Variants in CTNNA2 observed in about 807,000 individuals in gnomAD.
CTNNA2 encodes the protein catenin alpha-2.
Under a neutral mutation model 101.0 loss-of-function variants are expected in CTNNA2, and 42 were observed. The ratio of observed to expected loss-of-function variants is 0.42; its 90% CI spans 0.32 to 0.54. CTNNA2 has a LOEUF of 0.54. Ranked by LOEUF, CTNNA2 falls within the 20% of genes least tolerant of loss-of-function variation. The pLI, the probability that CTNNA2 is intolerant of heterozygous loss-of-function variation, is 0.14. For missense variants in CTNNA2, 871 were observed against 1,223.1 expected (o/e 0.71, Z 4.29); for synonymous variants, 450 against 456.4 (o/e 0.99, Z 0.18).
chr2:79,376,291 T>C (rs759283238), intron 4 of CTNNA2, among the ~76,000 whole-genome samples: 1 of 152,090 alleles, frequency 6.6e-6, no homozygotes, highest in Non-Finnish European at 1.5e-5. Context: ...ACAGCAACGG[T>C]GGGCTGTCCC....
intron 6 of CTNNA2, among the ~76,000 whole-genome samples, chr2:79,882,258 C>A (rs1297212358): frequency 6.6e-6 from 1 of 152,054 alleles, no homozygotes; most frequent in African/African-American, 2.4e-5. Context: ...TCATTTTGAC[C>A]TTGGAGAATC....
chr2:79,760,123 C>T (rs964861013), intron 3 of CTNNA2, among the ~76,000 whole-genome samples: 4 of 152,150 alleles, frequency 2.6e-5, no homozygotes, highest in African/African-American at 9.7e-5. Context: ...GCCTCAGTTC[C>T]ATCACCTGTA....
chr2:79,319,639 T>C (rs1430506701), intron 3 of CTNNA2: 1 of 152,170 alleles, frequency 6.6e-6, no homozygotes, highest in African/African-American at 2.4e-5. Context: ...AATTAGTTTT[T>C]TATGTTTCAA....
intron 2 of CTNNA2, among the ~76,000 whole-genome samples, chr2:79,726,430 G>A (rs531871504): frequency 1.2e-3 from 179 of 152,218 alleles, no homozygotes; most frequent in African/African-American, 4.1e-3. Flanking sequence ...CCTGAGCTCC[G>A]CCTCCTGTCA....
At chr2:80,320,349 A>G (rs1334246215) in intron 7 of CTNNA2, among the ~76,000 whole-genome samples, 2 of 152,218 alleles carry the variant, frequency 1.3e-5, no homozygotes, top group Admixed American at 6.5e-5. Flanking sequence ...ACATTTTCCC[A>G]AAGTGGGGAT....
intron 7 of CTNNA2, among the ~76,000 whole-genome samples, chr2:80,134,767 G>C (rs1702601374): frequency 6.6e-6 from 1 of 152,096 alleles, no homozygotes; most frequent in African/African-American, 2.4e-5. Flanking sequence ...TTGTTCCTTA[G>C]ATTTCTTCCC....
intron 7 of CTNNA2, among the ~76,000 whole-genome samples, chr2:80,113,197 G>C (rs77171029): frequency 0.041 from 6,263 of 152,234 alleles, 189 homozygotes; most frequent in Non-Finnish European, 0.064. Context: ...GGAGATGTAG[G>C]CTTTTGGGTT....
chr2:79,779,334 T>G (rs1674248568), intron 3 of CTNNA2, among the ~76,000 whole-genome samples: 1 of 152,120 alleles, frequency 6.6e-6, no homozygotes. Flanking sequence ...CCCCCTTCTC[T>G]GTTTCTGCCA....
At chr2:80,402,502 C>T (rs753405657) in intron 8 of CTNNA2, among the ~76,000 whole-genome samples, 39 of 151,942 alleles carry the variant, frequency 2.6e-4, no homozygotes, top group Non-Finnish European at 5.3e-4. Context: ...TCAAAAATTG[C>T]CTCATTAGAA....
chr2:80,372,005 C>CA (rs774700776), intron 7 of CTNNA2, among the ~76,000 whole-genome samples: 23 of 152,104 alleles, frequency 1.5e-4, no homozygotes, highest in Non-Finnish European at 3.1e-4. Flanking sequence ...ATAAGGTGGT[C>CA]ATAAAACTTG....
intron 7 of CTNNA2, among the ~76,000 whole-genome samples, chr2:80,163,778 A>G (rs2148949899): frequency 6.6e-6 from 1 of 152,176 alleles, no homozygotes; most frequent in South Asian, 2.1e-4. Context: ...TTTTTGCTTC[A>G]CATATTTTAT....
intron 15 of CTNNA2, among the ~76,000 whole-genome samples, chr2:80,593,029 G>C (rs1223291779): frequency 6.6e-6 from 1 of 152,176 alleles, no homozygotes; most frequent in East Asian, 1.9e-4. Flanking sequence ...CCTAAAGAGA[G>C]AAGGTTTCAA....
intron 3 of CTNNA2, chr2:79,340,269 A>G (rs1323899105): frequency 1.3e-5 from 2 of 152,196 alleles, no homozygotes; most frequent in Non-Finnish European, 2.9e-5. Context: ...CTTTCTAGGC[A>G]TGAGAGCTAC....
At chr2:79,671,061 C>T (rs1002814037) in intron 2 of CTNNA2, among the ~76,000 whole-genome samples, 2 of 152,210 alleles carry the variant, frequency 1.3e-5, no homozygotes, top group African/African-American at 4.8e-5. Context: ...GCCTACAGCA[C>T]AGACAGGAAC....
chr2:80,078,479 G>T (rs1280491301), intron 7 of CTNNA2, among the ~76,000 whole-genome samples: 6 of 152,184 alleles, frequency 3.9e-5, no homozygotes, highest in African/African-American at 1.4e-4. Context: ...GTGGACATGG[G>T]TCATGTGATT....
chr2:80,316,000 T>C (rs539779180), intron 7 of CTNNA2, among the ~76,000 whole-genome samples: 56 of 152,326 alleles, frequency 3.7e-4, no homozygotes, highest in Non-Finnish European at 6.8e-4. Flanking sequence ...AAGTGATTCA[T>C]AAGCCCGCTA....
intron 8 of CTNNA2, among the ~76,000 whole-genome samples, chr2:80,413,042 G>A (rs1363933198): frequency 2.6e-5 from 4 of 152,190 alleles, no homozygotes; most frequent in Middle Eastern, 3.4e-3. Flanking sequence ...GAAGAATAAG[G>A]TTATTCATGC....
At chr2:79,990,921 G>C (rs185784250) in intron 7 of CTNNA2, among the ~76,000 whole-genome samples, 1 of 152,078 alleles carries the variant, frequency 6.6e-6, no homozygotes, top group Non-Finnish European at 1.5e-5. Context: ...ACTTTTTTTG[G>C]TTGGTAAGCT....
intron 3 of CTNNA2, among the ~76,000 whole-genome samples, chr2:79,336,049 C>G (rs1156357178): frequency 6.6e-6 from 1 of 152,172 alleles, no homozygotes; most frequent in Non-Finnish European, 1.5e-5. Flanking sequence ...ACAGCAGCAT[C>G]TGAAAGATGA....
Sources: allele counts gnomAD v4.1 joint callset (sites outside exome capture counted in the v4.1 genomes callset), GRCh38; gene constraint gnomAD v4.1.1; transcripts MANE v1.5; gene names NCBI Gene and HGNC (gene_info 2026-07-23, HGNC 2026-07-21).